PSD3: variants seen among roughly 807,000 people sequenced by gnomAD.
PSD3 encodes PH and SEC7 domain-containing protein 3.
A neutral mutation model predicts 105.5 loss-of-function variants in PSD3; 49 were observed. That is an observed-to-expected ratio of 0.46 (90% CI 0.37 to 0.59). PSD3 has a LOEUF of 0.59. Ranked by LOEUF, PSD3 falls within the 20% of genes least tolerant of loss-of-function variation. The pLI, the probability that PSD3 is intolerant of heterozygous loss-of-function variation, is 0.00. For missense variants in PSD3, 1,561 were observed against 1,263.8 expected (o/e 1.24, Z -3.57); for synonymous variants, 557 against 457.8 (o/e 1.22, Z -2.77).
At chr8:18,842,023 T>C (rs796092672) in intron 4 of PSD3, among the ~76,000 whole-genome samples, 1 of 152,180 alleles carries the variant, frequency 6.6e-6, no homozygotes, top group South Asian at 2.1e-4. Flanking sequence ...ATGGCTCTCC[T>C]CTGCTGTTTC....
intron 4 of PSD3, among the ~76,000 whole-genome samples, chr8:18,822,834 A>T (rs975612297): frequency 2.6e-5 from 4 of 152,202 alleles, no homozygotes; most frequent in Non-Finnish European, 5.9e-5. Flanking sequence ...TCAAATAAAA[A>T]AATCCATGTC....
chr8:18,967,875 C>G (rs1204777641), intron 1 of PSD3, among the ~76,000 whole-genome samples: 1 of 152,184 alleles, frequency 6.6e-6, no homozygotes, highest in Non-Finnish European at 1.5e-5. Context: ...TCCAAGTGCT[C>G]AGAATTAGAA....
chr8:18,585,895 G>A (rs1489167785), intron 12 of PSD3, among the ~76,000 whole-genome samples: 1 of 152,070 alleles, frequency 6.6e-6, no homozygotes, highest in Non-Finnish European at 1.5e-5. Context: ...GTTTGACAAG[G>A]CATGTCTACT....
chr8:18,596,335 C>A (rs1022259949), intron 12 of PSD3, among the ~76,000 whole-genome samples: 2 of 151,598 alleles, frequency 1.3e-5, no homozygotes, highest in Non-Finnish European at 2.9e-5. Flanking sequence ...TGTTTTTACA[C>A]CAGATAAAGT....
intron 9 of PSD3, among the ~76,000 whole-genome samples, chr8:18,718,046 C>G (rs556866089): frequency 6.6e-6 from 1 of 152,264 alleles, no homozygotes; most frequent in Admixed American, 6.5e-5. Context: ...AAGGGTTTAA[C>G]AGTCTTTCTT....
chr8:19,001,270 T>C (rs1282841205), intron 1 of PSD3, among the ~76,000 whole-genome samples: 1 of 151,576 alleles, frequency 6.6e-6, no homozygotes, highest in East Asian at 1.9e-4. Flanking sequence ...AAATTTTTTC[T>C]TTTTTGTAGA....
intron 6 of PSD3, 102 bp downstream of exon 6, chr8:18,804,420 T>C: frequency 1.3e-6 from 1 of 783,064 alleles, no homozygotes; most frequent in Non-Finnish European, 1.8e-6. Context: ...TACATGGAGG[T>C]TTAAAAAAAA....
chr8:18,615,520 T>C (rs1805593735), intron 11 of PSD3, among the ~76,000 whole-genome samples: 3 of 152,232 alleles, frequency 2.0e-5, no homozygotes, highest in African/African-American at 7.2e-5. Flanking sequence ...AAGAAAATTT[T>C]ATATTTGAGT....
At chr8:18,834,363 T>C (rs1450071237) in intron 4 of PSD3, among the ~76,000 whole-genome samples, 1 of 152,188 alleles carries the variant, frequency 6.6e-6, no homozygotes, top group Non-Finnish European at 1.5e-5. Context: ...TGGAAAGGGC[T>C]TTTGGGTACC....
At chr8:18,640,161 C>A (rs760427863) in intron 10 of PSD3, among the ~76,000 whole-genome samples, 2 of 152,044 alleles carry the variant, frequency 1.3e-5, no homozygotes, top group African/African-American at 4.8e-5. Flanking sequence ...TGATATAGAC[C>A]AATACAAAAC....
At chr8:18,698,347 G>A (rs1441531592) in intron 9 of PSD3, among the ~76,000 whole-genome samples, 2 of 152,028 alleles carry the variant, frequency 1.3e-5, no homozygotes, top group Non-Finnish European at 2.9e-5. Flanking sequence ...TCTAACTCCT[G>A]GGCTCAAGTG....
intron 11 of PSD3, among the ~76,000 whole-genome samples, chr8:18,621,372 C>CACT (rs1207709013): frequency 1.3e-5 from 2 of 152,194 alleles, no homozygotes; most frequent in African/African-American, 4.8e-5. Context: ...CGTGCCACTG[C>CACT]ACTCCAGCCT....
intron 1 of PSD3, among the ~76,000 whole-genome samples, chr8:19,049,286 G>A (rs945082259): frequency 2.0e-5 from 3 of 152,134 alleles, no homozygotes; most frequent in Non-Finnish European, 2.9e-5. Context: ...ATCTCCCATC[G>A]TCGTAGTCCT....
rs538444445 is a variant in PSD3 at position 18,658,642 on chromosome 8, C to A, written c.2173-2957G>T. On this transcript the variant is annotated intron_variant, in intron 9 of 15. Transcript: ENST00000327040. ...GGCTCAAGGGATCCTCTTGCCTTAGCCTTCTAAGTAGCTGTGGTTACACCT... is the reference window on the plus strand; with the variant it reads ...GGCTCAAGGGATCCTCTTGCCTTAGACTTCTAAGTAGCTGTGGTTACACCT... 4.6e-5 allele frequency among the ~76,000 whole-genome samples: 7 copies of A among 151,906 alleles called. No individual in the cohort carries two copies. In the East Asian group the frequency reaches 1.2e-3, roughly 25 times the overall value.
intron 2 of PSD3, among the ~76,000 whole-genome samples, chr8:18,910,007 T>C (rs1820100521): frequency 6.6e-6 from 1 of 152,166 alleles, no homozygotes; most frequent in Non-Finnish European, 1.5e-5. Context: ...ATTTAGATGT[T>C]TCAGCAGCCT....
At chr8:19,080,961 A>T (rs1272108443) in intron 1 of PSD3, among the ~76,000 whole-genome samples, 1 of 152,182 alleles carries the variant, frequency 6.6e-6, no homozygotes, top group Non-Finnish European at 1.5e-5. Context: ...AAACGATGAT[A>T]GAGAAAGCTT....
chr8:18,714,596 G>C (rs1468891115), intron 9 of PSD3, among the ~76,000 whole-genome samples: 1 of 152,190 alleles, frequency 6.6e-6, no homozygotes, highest in Non-Finnish European at 1.5e-5. Flanking sequence ...TTTCACACCA[G>C]TCAGAATGGT....
chr8:19,025,928 T>C (rs1484679427), intron 1 of PSD3, among the ~76,000 whole-genome samples: 1 of 152,114 alleles, frequency 6.6e-6, no homozygotes, highest in Non-Finnish European at 1.5e-5. Flanking sequence ...GGGTAATTTA[T>C]AAAGGAAAGA....
intron 4 of PSD3, among the ~76,000 whole-genome samples, chr8:18,866,779 CTT>C (rs76054573): frequency 1.7e-4 from 24 of 142,558 alleles, no homozygotes; most frequent in African/African-American, 3.6e-4. Context: ...TTAATACTGG[CTT>C]TTTTTTTTTT....
Sources: allele counts gnomAD v4.1 joint callset (sites outside exome capture counted in the v4.1 genomes callset), GRCh38; gene constraint gnomAD v4.1.1; transcripts MANE v1.5; gene names NCBI Gene and HGNC (gene_info 2026-07-23, HGNC 2026-07-21).